TRANK1: variants seen among roughly 807,000 people sequenced by gnomAD.
TRANK1 encodes the protein TPR and ankyrin repeat-containing protein 1.
A neutral mutation model predicts 266.0 loss-of-function variants in TRANK1; 198 were observed. That is an observed-to-expected ratio of 0.74 (90% CI 0.66 to 0.84). The LOEUF (loss-of-function observed/expected upper bound fraction) is 0.84, where lower values mean the gene tolerates loss of function less well. Ranked by LOEUF, TRANK1 falls within the 40% of genes least tolerant of loss-of-function variation. The probability of loss-of-function intolerance (pLI) is 0.00; values close to 1 mark genes in which losing one functional copy is unlikely to be tolerated. For missense variants in TRANK1, 3,326 were observed against 3,634.6 expected (o/e 0.92, Z 2.18); for synonymous variants, 1,396 against 1,384.1 (o/e 1.01, Z -0.19).
rs80159070 is a variant in TRANK1 at position 36,929,793 on chromosome 3, G to A, written c.23+14994C>T. On this transcript the variant is annotated intron_variant, in intron 1 of 23. Coordinates refer to ENST00000645898, the MANE Select transcript of TRANK1 (RefSeq NM_001329998.2). ...CTATCCCTGGATTATCAGGGTGAGC[G>A]CAATCTAATGACAAGAACTCTTTGA... is the stretch of plus-strand genomic sequence containing the variant. Among the ~76,000 whole-genome samples the A allele has an allele frequency of 1.2e-3, 178 of 152,348 alleles. 7 individuals are homozygous for A. The East Asian group carries it at 0.028, about 24-fold the overall frequency.
At chr3:36,885,845 T>C (rs2079595018) in intron 8 of TRANK1, among the ~76,000 whole-genome samples, 1 of 152,146 alleles carries the variant, frequency 6.6e-6, no homozygotes, top group Non-Finnish European at 1.5e-5. Flanking sequence ...GGCCTAAACT[T>C]TGATTATACA....
At chr3:36,940,282 G>T (rs2080479289) in intron 1 of TRANK1, among the ~76,000 whole-genome samples, 1 of 151,426 alleles carries the variant, frequency 6.6e-6, no homozygotes, top group Admixed American at 6.6e-5. Context: ...TGGATCACGA[G>T]GTCAGGAGAT....
intron 1 of TRANK1, among the ~76,000 whole-genome samples, chr3:36,927,371 A>G (rs925161503): frequency 3.9e-5 from 6 of 152,234 alleles, no homozygotes; most frequent in Non-Finnish European, 7.3e-5. Context: ...CAGACAACAG[A>G]TAAGTTGTAA....
At chr3:36,928,124 A>C (rs536184056) in intron 1 of TRANK1, among the ~76,000 whole-genome samples, 7 of 152,260 alleles carry the variant, frequency 4.6e-5, no homozygotes, top group African/African-American at 1.4e-4. Flanking sequence ...GCTCCCACAT[A>C]AATACATTAA....
intron 4 of TRANK1, among the ~76,000 whole-genome samples, chr3:36,898,876 C>A (rs905863386): frequency 1.1e-3 from 159 of 150,898 alleles, no homozygotes; most frequent in Middle Eastern, 3.4e-3. Context: ...AATCTGAAAC[C>A]AAACTCTCAA....
intron 1 of TRANK1, among the ~76,000 whole-genome samples, chr3:36,921,890 C>T (rs1322484634): frequency 6.6e-6 from 1 of 152,070 alleles, no homozygotes; most frequent in Non-Finnish European, 1.5e-5. Context: ...ACCTTTAATC[C>T]CAAAACTTTA....
intron 1 of TRANK1, chr3:36,929,240 G>A (rs1195405365): frequency 6.6e-6 from 1 of 151,786 alleles, no homozygotes; most frequent in Non-Finnish European, 1.5e-5. Flanking sequence ...TGCCTCCTGG[G>A]CTCAAGCAAT....
In TRANK1 at chr3:36,943,564, C is replaced by T. The variant is rs2080527568; in HGVS notation, c.23+1223G>A. 4.9e-5 allele frequency among the ~76,000 whole-genome samples: 7 copies of T among 141,944 alleles called. No homozygotes were observed. The South Asian group carries it at 1.6e-3, about 32-fold the overall frequency. 93.1% of individuals were successfully genotyped at this position (141,944 alleles called of 152,430 possible). On this transcript the variant is annotated intron_variant, in intron 1 of 23. Transcript: ENST00000645898. Reference sequence around the variant, plus strand: ...CTATCCTGCAATCCTACAAAACAGACCTGCCTGGAAAACAGTTGAAACAAA... The same window carrying T: ...CTATCCTGCAATCCTACAAAACAGATCTGCCTGGAAAACAGTTGAAACAAA...
At chr3:36,931,835 G>A (rs924313877) in intron 1 of TRANK1, among the ~76,000 whole-genome samples, 1 of 152,238 alleles carries the variant, frequency 6.6e-6, no homozygotes, top group African/African-American at 2.4e-5. Context: ...GATCACTTAA[G>A]TTTAGGAGTT....
chr3:36,874,396 G>A (rs2079355687), intron 8 of TRANK1, 100 bp from the exon 9 acceptor site: 5 of 1,331,914 alleles, frequency 3.8e-6, no homozygotes, highest in Non-Finnish European at 5.0e-6. Flanking sequence ...AGCAGCCCAG[G>A]GCAAGAGGAC....
chr3:36,896,972 C>T (rs889625572), intron 4 of TRANK1, among the ~76,000 whole-genome samples: 12 of 150,304 alleles, frequency 8.0e-5, no homozygotes, highest in Non-Finnish European at 1.8e-4. Flanking sequence ...TCAGCCTGGG[C>T]GAAAAGAGTG....
intron 21 of TRANK1, 43 bp from the exon 22 acceptor site, chr3:36,833,962 A>G (rs1404959187): frequency 2.6e-6 from 4 of 1,533,204 alleles, no homozygotes; most frequent in Non-Finnish European, 3.5e-6. Flanking sequence ...CCATCACCCA[A>G]TCAATAGAAA....
chr3:36,851,453 G>T, intron 15 of TRANK1: 1 of 1,213,484 alleles, frequency 8.2e-7, no homozygotes, highest in Non-Finnish European at 1.0e-6. Context: ...AATGAGAACT[G>T]GACACTGGCA....
chr3:36,857,113 T>C lies in TRANK1; in HGVS notation c.2609A>G (p.Glu870Gly). 1 of 1,614,014 alleles carries C rather than the reference T, an allele frequency of 6.2e-7. No individual in the cohort carries two copies. Among genetic ancestry groups the C allele is most frequent in the Non-Finnish European group, 8.5e-7 (1 of 1,179,884 alleles). The change falls in exon 13 of 24, where the codon GAG (glutamate) becomes GGG (glycine). Residue 870 changes from glutamate (E) to glycine (G), a missense_variant. Transcript: ENST00000645898. The surrounding 1 kb of genome is among the most constrained non-coding windows in gnomAD (Gnocchi z 4.3). Reference sequence around the variant, plus strand: ...TCGCTTCTGCAGGCCCTGGGTCCACTCGCCATTTCCCAGCTGCTGAATGGC... The same window carrying C: ...TCGCTTCTGCAGGCCCTGGGTCCACCCGCCATTTCCCAGCTGCTGAATGGC... ...ILAIQQLGNG[E>G]WTQGLQKRLK...
chr3:36,868,660 A>C (rs1046105401), intron 9 of TRANK1, among the ~76,000 whole-genome samples: 1 of 152,146 alleles, frequency 6.6e-6, no homozygotes, highest in Non-Finnish European at 1.5e-5. Flanking sequence ...AAACACATTA[A>C]TTTTTTTCTG....
rs1301836684 is a variant in TRANK1 at position 36,833,737 on chromosome 3, A to G, written c.5846T>C (p.Leu1949Ser). 1 of 1,613,894 alleles carries G rather than the reference A, an allele frequency of 6.2e-7. No individual in the cohort carries two copies. Among genetic ancestry groups the G allele is most frequent in the East Asian group, 2.2e-5 (1 of 44,894 alleles). ...QLVFLKSRKR[L>S]AEAADLLNRE... ...GTTCAGCAGGTCTGCAGCTTCTGCT[A>G]AGCGTTTCCGAGACTTCAAGAACAC... Residue 1949 changes from leucine to serine, a missense_variant, in exon 22 of 24, where the codon TTA becomes TCA. Leu to Ser is a moderately radical substitution (Grantham distance 145). Transcript: ENST00000645898.
rs1283576604 is a variant in TRANK1 at position 36,854,790 on chromosome 3, G to T, written c.4549+383C>A. On this transcript the variant is annotated intron_variant, in intron 13 of 23. Coordinates refer to ENST00000645898, the MANE Select transcript of TRANK1 (RefSeq NM_001329998.2). Reference sequence around the variant, plus strand: ...CCTTTTTTTTTTTTCCTTCTCTTTGGGAGAAAACCTGCTTCAAGGATTAAT... The same window carrying T: ...CCTTTTTTTTTTTTCCTTCTCTTTGTGAGAAAACCTGCTTCAAGGATTAAT... Among the ~76,000 whole-genome samples the T allele has an allele frequency of 5.3e-5, 8 of 151,286 alleles. No individual in the cohort carries two copies. In the East Asian group the frequency reaches 1.4e-3, roughly 26 times the overall value.
chr3:36,835,046 G>A lies in TRANK1; in HGVS notation c.5518-139C>T, dbSNP rs139771301. ...TCCAGTTAAAAACCCTAGGCCGGGC[G>A]TGGTGGCTCACGCCTGTAATCCCAG... On this transcript the variant is annotated intron_variant, in intron 20 of 23. Coordinates refer to ENST00000645898, the MANE Select transcript of TRANK1 (RefSeq NM_001329998.2). The A allele has an allele frequency of 1.3e-3, 1,197 of 931,474 alleles. 12 individuals carry two copies. In the African/African-American group the frequency reaches 0.018, roughly 14 times the overall value. The allele number at this position is 931,474 out of a possible 1,614,324, so 57.7% of individuals were successfully genotyped here.
intron 10 of TRANK1, 113 bp from the exon 11 acceptor site, chr3:36,861,273 G>T: frequency 7.6e-7 from 1 of 1,317,658 alleles, no homozygotes; most frequent in Non-Finnish European, 1.0e-6. Flanking sequence ...TAAACAAGTA[G>T]TTGATTATTT....
Sources: allele counts gnomAD v4.1 joint callset (sites outside exome capture counted in the v4.1 genomes callset), GRCh38; gene constraint gnomAD v4.1.1; non-coding constraint Gnocchi (gnomAD v3.1); transcripts MANE v1.5; gene names NCBI Gene and HGNC (gene_info 2026-07-23, HGNC 2026-07-21).